JAK2: variants seen among roughly 807,000 people sequenced by gnomAD.
The protein encoded by JAK2 is Janus kinase 2.
In JAK2, 86 loss-of-function variants were observed where a neutral mutation model predicts 139.3. The ratio of observed to expected loss-of-function variants is 0.62; its 90% CI spans 0.52 to 0.74. The LOEUF is 0.74. JAK2 is among the 30% of genes least tolerant of loss of function. The probability of loss-of-function intolerance (pLI) is 0.00; values close to 1 mark genes in which losing one functional copy is unlikely to be tolerated. For synonymous variants in JAK2, 490 were observed against 437.7 expected, an observed-to-expected ratio of 1.12 and a Z score of -1.49; for missense variants, 1,421 against 1,360.3, an observed-to-expected ratio of 1.04 and a Z score of -0.70.
intron 20 of JAK2, 57 bp from the exon 21 acceptor site, chr9:5,090,389 T>C: frequency 8.0e-7 from 1 of 1,247,342 alleles, no homozygotes; most frequent in African/African-American, 1.5e-5. Flanking sequence ...AGTTTTCTAA[T>C]ATTTAATCAG....
chr9:5,042,105 G>A (rs564733599), intron 4 of JAK2, among the ~76,000 whole-genome samples: 1 of 149,874 alleles, frequency 6.7e-6, no homozygotes, highest in Admixed American at 6.6e-5. Context: ...CTTCCTTCAC[G>A]TAAGACTGGC....
At chr9:5,060,527 A>AT (rs1192361689) in intron 8 of JAK2, among the ~76,000 whole-genome samples, 3 of 152,142 alleles carry the variant, frequency 2.0e-5, no homozygotes, top group Admixed American at 1.3e-4. Context: ...TCAAGAAACC[A>AT]TTTTTTTATG....
intron 2 of JAK2, among the ~76,000 whole-genome samples, chr9:4,995,301 T>G (rs940628763): frequency 1.3e-5 from 2 of 152,232 alleles, no homozygotes; most frequent in African/African-American, 2.4e-5. Flanking sequence ...TTGTTTTCCC[T>G]AGGTTGTCTC....
At chr9:5,083,583 C>G (rs1819865822) in intron 19 of JAK2, among the ~76,000 whole-genome samples, 1 of 152,066 alleles carries the variant, frequency 6.6e-6, no homozygotes, top group Admixed American at 6.6e-5. Context: ...TGTTTGCTTG[C>G]CCTTTTTTTC....
rs570399428 is a variant in JAK2, at chr9:5,085,136, G to A, written c.2571+3275G>A. On this transcript the variant is annotated intron_variant, in intron 19 of 24. Transcript: ENST00000381652. ...GTTGTTTGTTTTACACCATCACTCT[G>A]TAATACATACTGTGGAGCTCTGTCT... is the stretch of plus-strand genomic sequence containing the variant. 1.4e-4 allele frequency: 91 copies of A among 647,224 alleles called. No individual in the cohort carries two copies. In the African/African-American group the frequency reaches 1.4e-3, roughly 10 times the overall value. The allele number at this position is 647,224 out of a possible 1,614,324, so 40.1% of individuals were successfully genotyped here.
intron 2 of JAK2, among the ~76,000 whole-genome samples, chr9:5,004,843 T>A (rs745414116): frequency 2.6e-5 from 4 of 152,092 alleles, no homozygotes; most frequent in Non-Finnish European, 1.5e-5. Context: ...TGAGGTGAGA[T>A]CTCACTATGG....
chr9:5,034,753 A>C (rs1420258761), intron 4 of JAK2, among the ~76,000 whole-genome samples: 2 of 152,164 alleles, frequency 1.3e-5, no homozygotes, highest in Non-Finnish European at 2.9e-5. Context: ...GTAGAGGGAA[A>C]TTTATAGCAC....
At chr9:5,088,538 T>A (rs1820306053) in intron 19 of JAK2, among the ~76,000 whole-genome samples, 1 of 111,160 alleles carries the variant, frequency 9.0e-6, no homozygotes, top group Non-Finnish European at 2.0e-5. Flanking sequence ...TTTAAAGACA[T>A]CTTCAAAAAA....
At chr9:5,124,061 G>C (rs895087766) in intron 23 of JAK2, among the ~76,000 whole-genome samples, 8 of 151,452 alleles carry the variant, frequency 5.3e-5, no homozygotes, top group African/African-American at 1.9e-4. Flanking sequence ...ACGATTATTA[G>C]GGGGTTTTGG....
chr9:5,017,416 T>C (rs566446849), intron 2 of JAK2, among the ~76,000 whole-genome samples: 47 of 152,340 alleles, frequency 3.1e-4, no homozygotes, highest in African/African-American at 1.1e-3. Flanking sequence ...AAATTAACTT[T>C]CTATCTTTTC....
chr9:5,103,221 CAAAAAAAAAAAA>C (rs56691830), intron 22 of JAK2, among the ~76,000 whole-genome samples: 14 of 6,846 alleles, frequency 2.0e-3, no homozygotes, highest in African/African-American at 6.0e-3. Context: ...AAAGGGAAAG[CAAAAAAAAAAAA>C]AAAAAAAAAA....
At chr9:5,111,460 G>A (rs191145873) in intron 22 of JAK2, 81 of 390,006 alleles carry the variant, frequency 2.1e-4, no homozygotes, top group African/African-American at 1.2e-3. Flanking sequence ...CATCCTCGGC[G>A]TACCTGCCCA....
intron 2 of JAK2, among the ~76,000 whole-genome samples, chr9:5,001,540 T>A (rs1473595688): frequency 6.6e-6 from 1 of 152,156 alleles, no homozygotes; most frequent in African/African-American, 2.4e-5. Flanking sequence ...TAAAACCCAC[T>A]TGGTGATGGT....
intron 2 of JAK2, among the ~76,000 whole-genome samples, chr9:5,006,925 A>G (rs1333962720): frequency 6.6e-6 from 1 of 152,192 alleles, no homozygotes; most frequent in Non-Finnish European, 1.5e-5. Context: ...ATTGGAGAAT[A>G]TTCCTGTTGT....
chr9:5,077,757 C>T (rs993089242), intron 15 of JAK2, among the ~76,000 whole-genome samples, 177 bp downstream of exon 15: 14 of 152,158 alleles, frequency 9.2e-5, no homozygotes, highest in African/African-American at 3.4e-4. Context: ...TATGTAAAAT[C>T]ACTTTTGAAA....
At chr9:5,111,808 G>A (rs1026555093) in intron 22 of JAK2, 17 of 422,204 alleles carry the variant, frequency 4.0e-5, no homozygotes, top group Middle Eastern at 1.0e-3. Flanking sequence ...CCGGAGCCAC[G>A]TAGGCGGCGT....
At chr9:5,051,171 G>A (rs1450492511) in intron 6 of JAK2, among the ~76,000 whole-genome samples, 2 of 151,980 alleles carry the variant, frequency 1.3e-5, no homozygotes, top group Admixed American at 1.3e-4. Flanking sequence ...AAATCATATG[G>A]GTAAGTTTTA....
rs753033664 is a variant in JAK2 at position 5,089,876 on chromosome 9, T to A, written c.2761+13T>A. On this transcript the variant is annotated intron_variant, in intron 20 of 24. Transcript: ENST00000381652. ...TGCTACAGTGCTGGTAAGCTGCCCATTGAAACCTATTTTAAATTCAAGGTA... is the reference window on the plus strand; with the variant it reads ...TGCTACAGTGCTGGTAAGCTGCCCAATGAAACCTATTTTAAATTCAAGGTA... 7.0e-7 allele frequency: 1 copy of A among 1,438,254 alleles called. No homozygotes were observed. Among genetic ancestry groups the A allele is most frequent in the African/African-American group, 1.5e-5 (1 of 67,926 alleles). 89.1% of individuals were successfully genotyped at this position (1,438,254 alleles called of 1,614,324 possible).
Position 5,126,320 on chromosome 9 carries a change from G to A in JAK2, c.3178-13G>A. ...TAAATGTACAAAAAATATTGAAAGTGGGTTTGTTTTAGGAATTTATGCGTA... is the reference window on the plus strand; with the variant it reads ...TAAATGTACAAAAAATATTGAAAGTAGGTTTGTTTTAGGAATTTATGCGTA... On this transcript the variant is annotated splice_polypyrimidine_tract_variant and intron_variant, in intron 23 of 24. Coordinates refer to ENST00000381652, the MANE Select transcript of JAK2 (RefSeq NM_004972.4). 1 of 1,537,336 alleles carries A rather than the reference G, an allele frequency of 6.5e-7. No homozygotes were observed. The highest frequency in any genetic ancestry group is 1.4e-5 in the African/African-American group (1 of 72,306).
Sources: allele counts gnomAD v4.1 joint callset (sites outside exome capture counted in the v4.1 genomes callset), GRCh38; gene constraint gnomAD v4.1.1; transcripts MANE v1.5; gene names NCBI Gene and HGNC (gene_info 2026-07-23, HGNC 2026-07-21).